Variants in OXR1 observed in about 807,000 individuals in gnomAD.
OXR1 encodes oxidation resistance 1, also known as oxidation resistance protein 1.
OXR1 carries 41 observed loss-of-function variants against 104.6 expected under a neutral mutation model. The ratio of observed to expected loss-of-function variants is 0.39; its 90% CI spans 0.31 to 0.51. OXR1 has a LOEUF of 0.51. Ranked by LOEUF, OXR1 falls within the 20% of genes least tolerant of loss-of-function variation. The pLI is 0.77. For missense variants in OXR1, 955 were observed against 1,031.9 expected (o/e 0.93, Z 1.02); for synonymous variants, 348 against 348.4 (o/e 1.00, Z 0.01).
chr8:106,473,870 A>G (rs1355896066), intron 2 of OXR1, among the ~76,000 whole-genome samples: 1 of 148,918 alleles, frequency 6.7e-6, no homozygotes, highest in Non-Finnish European at 1.5e-5. Flanking sequence ...TTTTGCCACC[A>G]TTATAAGTAC....
chr8:106,337,574 C>T (rs1432511456), intron 1 of OXR1, among the ~76,000 whole-genome samples: 1 of 152,156 alleles, frequency 6.6e-6, no homozygotes, highest in East Asian at 1.9e-4. Context: ...CCATAGGAAA[C>T]TCTCATTATG....
intron 4 of OXR1, among the ~76,000 whole-genome samples, chr8:106,680,480 C>T (rs1409836507): frequency 1.3e-5 from 2 of 151,944 alleles, no homozygotes; most frequent in Non-Finnish European, 2.9e-5. Context: ...TTGCCATTTT[C>T]TCCTCCTTCC....
At chr8:106,419,420 C>T (rs1818814195) in intron 2 of OXR1, among the ~76,000 whole-genome samples, 1 of 152,132 alleles carries the variant, frequency 6.6e-6, no homozygotes, top group African/African-American at 2.4e-5. Flanking sequence ...CAAAGAACAT[C>T]CCAGTTCCTG....
At chr8:106,608,349 T>C (rs1193906598) in intron 3 of OXR1, among the ~76,000 whole-genome samples, 14 of 152,034 alleles carry the variant, frequency 9.2e-5, no homozygotes, top group Admixed American at 6.6e-5. Flanking sequence ...ATCCATTTTA[T>C]CAAGGCTTAC....
rs1317654877 is a variant in OXR1, at chr8:106,499,024, C to T, written c.24-19919C>T. ...AAAAATACAAAAAATTAGCCGGGCG[C>T]GGTGGCGGGCGCCTGTAGTCCCAGC... On this transcript the variant is annotated intron_variant, in intron 2 of 16. Coordinates refer to ENST00000517566, the MANE Select transcript of OXR1 (RefSeq NM_001198533.2). 3.2e-4 allele frequency among the ~76,000 whole-genome samples: 21 copies of T among 66,086 alleles called. 7 individuals carry two copies. The highest frequency in any genetic ancestry group is 6.6e-4 in the African/African-American group (11 of 16,758). The allele number at this position is 66,086 out of a possible 152,430, so 43.4% of individuals were successfully genotyped here. A position where few individuals can be genotyped will look rare whatever the true frequency, so the allele number is the denominator to read the frequency against.
intron 2 of OXR1, among the ~76,000 whole-genome samples, chr8:106,439,376 C>T (rs973753083): frequency 1.3e-5 from 2 of 152,014 alleles, no homozygotes; most frequent in Admixed American, 1.3e-4. Context: ...ACACTCTGAT[C>T]CCAGATTTCT....
chr8:106,429,409 C>A (rs994694242), intron 2 of OXR1, among the ~76,000 whole-genome samples: 1 of 152,116 alleles, frequency 6.6e-6, no homozygotes. Context: ...TCTGTAATCC[C>A]AGCACTATGG....
At chr8:106,418,474 T>A (rs1818770110) in intron 2 of OXR1, among the ~76,000 whole-genome samples, 1 of 152,136 alleles carries the variant, frequency 6.6e-6, no homozygotes, top group Non-Finnish European at 1.5e-5. Flanking sequence ...ACTTTTCTTC[T>A]AACAAAATGT....
intron 3 of OXR1, among the ~76,000 whole-genome samples, chr8:106,523,411 T>G (rs1813402729): frequency 6.6e-6 from 1 of 152,138 alleles, no homozygotes. Flanking sequence ...GCCTATCACA[T>G]TTTACAGCAC....
At chr8:106,312,759 A>G (rs2130138987) in intron 1 of OXR1, among the ~76,000 whole-genome samples, 1 of 152,320 alleles carries the variant, frequency 6.6e-6, no homozygotes, top group East Asian at 1.9e-4. Context: ...TAAAACCCCA[A>G]CTTGTGTAAT....
intron 2 of OXR1, among the ~76,000 whole-genome samples, chr8:106,385,539 C>T (rs1401724424): frequency 1.3e-5 from 2 of 152,080 alleles, no homozygotes; most frequent in African/African-American, 4.8e-5. Context: ...AGGCAGTGTT[C>T]CAAGTACTTT....
chr8:106,636,723 A>G (rs111554773), intron 3 of OXR1, among the ~76,000 whole-genome samples: 14 of 137,528 alleles, frequency 1.0e-4, no homozygotes, highest in African/African-American at 4.0e-4. Context: ...TTAAACGAAT[A>G]CCTATTAGGA....
intron 2 of OXR1, among the ~76,000 whole-genome samples, chr8:106,475,886 CCTTT>C (rs946792917): frequency 6.6e-6 from 1 of 151,918 alleles, no homozygotes; most frequent in Non-Finnish European, 1.5e-5. Context: ...TTATTTCTCA[CCTTT>C]CTTTTTTTGC....
intron 2 of OXR1, among the ~76,000 whole-genome samples, chr8:106,499,894 T>C (rs1291558484): frequency 1.3e-5 from 2 of 152,218 alleles, no homozygotes; most frequent in African/African-American, 2.4e-5. Flanking sequence ...GACTTGCAAT[T>C]GCAAATCATT....
At chr8:106,728,892 A>G (rs995890137) in intron 11 of OXR1, among the ~76,000 whole-genome samples, 2 of 152,142 alleles carry the variant, frequency 1.3e-5, no homozygotes, top group African/African-American at 4.8e-5. Context: ...CCATTTTCTT[A>G]GTTTAGGCCG....
At chr8:106,695,791 T>G (rs1471746851) in intron 7 of OXR1, among the ~76,000 whole-genome samples, 1 of 152,044 alleles carries the variant, frequency 6.6e-6, no homozygotes, top group African/African-American at 2.4e-5. Flanking sequence ...TTATGCCACT[T>G]TATCTTTTTT....
intron 2 of OXR1, among the ~76,000 whole-genome samples, chr8:106,418,341 C>T (rs1175298363): frequency 6.6e-6 from 1 of 152,064 alleles, no homozygotes; most frequent in Non-Finnish European, 1.5e-5. Context: ...TGTCTCCTCT[C>T]ACCTCCTTTC....
chr8:106,559,555 A>T (rs1816526509), intron 3 of OXR1, among the ~76,000 whole-genome samples: 1 of 152,204 alleles, frequency 6.6e-6, no homozygotes, highest in African/African-American at 2.4e-5. Context: ...ACATAATATC[A>T]TAGAAAATAA....
At chr8:106,641,804 A>T (rs1351404240) in intron 3 of OXR1, among the ~76,000 whole-genome samples, 1 of 152,222 alleles carries the variant, frequency 6.6e-6, no homozygotes, top group Non-Finnish European at 1.5e-5. Context: ...ATCAGGCCAA[A>T]ACATAGAGTG....
Sources: allele counts gnomAD v4.1 joint callset (sites outside exome capture counted in the v4.1 genomes callset), GRCh38; gene constraint gnomAD v4.1.1; transcripts MANE v1.5; gene names NCBI Gene and HGNC (gene_info 2026-07-23, HGNC 2026-07-21).